Variants in DES observed in about 807,000 individuals in gnomAD.
The protein encoded by DES is cardiomyopathy, dilated 1F (autosomal dominant).
A neutral mutation model predicts 55.1 loss-of-function variants in DES; 34 were observed. That is an observed-to-expected ratio of 0.62 (90% CI 0.47 to 0.82). DES has a LOEUF of 0.82. Among genes scored for constraint, DES ranks in the 40% least tolerant of loss-of-function variants. The probability of loss-of-function intolerance (pLI) is 0.00; values close to 1 mark genes in which losing one functional copy is unlikely to be tolerated. For missense variants in DES, 596 were observed against 645.9 expected (o/e 0.92, Z 0.84); for synonymous variants, 259 against 270.8 (o/e 0.96, Z 0.43).
chr2:219,421,334 C>G lies in DES; in HGVS notation c.1024-6C>G, dbSNP rs1217194365. ...TTCCTTGACCTGGGTTCCCCCTCTC[C>G]TGCAGAACGATTCCCTGATGAGGCA... On this transcript the variant is annotated splice_polypyrimidine_tract_variant and splice_region_variant and intron_variant, in intron 5 of 8. Transcript: ENST00000373960. 2 of 1,613,934 alleles carry G rather than the reference C, an allele frequency of 1.2e-6. No individual in the cohort carries two copies. The highest frequency in any genetic ancestry group is 1.7e-5 in the Admixed American group (1 of 60,004).
At chr2:219,422,292 T>C (rs560392575) in intron 6 of DES, among the ~76,000 whole-genome samples, 21 of 151,632 alleles carry the variant, frequency 1.4e-4, no homozygotes, top group Non-Finnish European at 2.5e-4. Flanking sequence ...AAGAGATGCA[T>C]ACAGAAGGCA....
chr2:219,421,103 T>A (rs1318301041), intron 5 of DES, 150 bp downstream of exon 5: 3 of 1,271,492 alleles, frequency 2.4e-6, no homozygotes, highest in Non-Finnish European at 3.3e-6. Flanking sequence ...TGGATTCCAG[T>A]TGGATGCTAA....
rs71040455 is a variant in DES at position 219,422,463 on chromosome 2, C to CTTTTTTTTTTTTTTTTTTTTT, written c.1244+922_1244+923insTTTTTTTTTTTTTTTTTTTTT. Among the ~76,000 whole-genome samples, 3 of 103,498 alleles carry CTTTTTTTTTTTTTTTTTTTTT rather than the reference C, an allele frequency of 2.9e-5. 1 individual carries two copies. Among genetic ancestry groups the CTTTTTTTTTTTTTTTTTTTTT allele is most frequent in the African/African-American group, 8.0e-5 (2 of 25,052 alleles). The allele number at this position is 103,498 out of a possible 152,430, so 67.9% of individuals were successfully genotyped here. A position where few individuals can be genotyped will look rare whatever the true frequency, so the allele number is the denominator to read the frequency against. On this transcript the variant is annotated intron_variant, in intron 6 of 8. Coordinates refer to ENST00000373960, the MANE Select transcript of DES (RefSeq NM_001927.4). ...GTGGGATAACAGAAATGTTCTATAT[C>CTTTTTTTTTTTTTTTTTTTTT]TTTTTTTTTTTTTTTTTTTGAGACA...
rs1559352363 is a variant in DES at position 219,418,834 on chromosome 2, GA to G, written c.374del (p.Lys125ArgfsTer16). ...LNDRFANYIE[K>X]VRFLEQQNAA... ...ATGACCGCTTCGCCAACTACATCGA[GA>G]AGGTGCGCTTCCTGGAGCAGCAGAA... On this transcript the variant is annotated frameshift_variant, in exon 1 of 9. Coordinates refer to ENST00000373960, the MANE Select transcript of DES (RefSeq NM_001927.4). LOFTEE classifies it high-confidence loss of function. 1 of 1,583,172 alleles carries G rather than the reference GA, an allele frequency of 6.3e-7. No homozygotes were observed. Among genetic ancestry groups the G allele is most frequent in the South Asian group, 1.2e-5 (1 of 86,852 alleles).
chr2:219,420,643 G>A lies in DES; in HGVS notation c.884G>A (p.Trp295Ter). The A allele has an allele frequency of 6.2e-7, 1 of 1,614,038 alleles. No homozygotes were observed. The highest frequency in any genetic ancestry group is 8.5e-7 in the Non-Finnish European group (1 of 1,180,012). ...AAKNISEAEE[W>*]YKSKVSDLTQ... The stretch of plus-strand genomic sequence containing the variant: ...AAGAACATTTCTGAAGCTGAGGAGT[G>A]GTACAAGTCGAAGGTGGGTGGCCTC... Residue 295 changes from tryptophan to a stop codon, truncating the protein, a stop_gained, in exon 4 of 9, where the codon TGG becomes TAG. Coordinates refer to ENST00000373960, the MANE Select transcript of DES (RefSeq NM_001927.4). LOFTEE classifies it high-confidence loss of function. This position sits in a 1 kb window ranked among gnomAD's most constrained non-coding sequence, Gnocchi z 6.0.
In DES at chr2:219,418,497, C is replaced by T. The variant is rs267607495; in HGVS notation, c.35C>T (p.Ser12Phe). Residue 12 changes from serine to phenylalanine, a missense_variant, in exon 1 of 9, where the codon TCC (serine) becomes TTC (phenylalanine). Ser to Phe is a radical substitution (Grantham distance 155, BLOSUM62 -2). Coordinates refer to ENST00000373960, the MANE Select transcript of DES (RefSeq NM_001927.4). The stretch of plus-strand genomic sequence containing the variant: ...GCCTACTCGTCCAGCCAGCGCGTGT[C>T]CTCCTACCGCCGCACCTTCGGCGGG... ...SQAYSSSQRV[S>F]SYRRTFGGAP... 2 of 1,602,208 alleles carry T rather than the reference C, an allele frequency of 1.2e-6. No homozygotes were observed.
rs1190164456 is a variant in DES, at chr2:219,420,381, C to T, written c.735+35C>T. On this transcript the variant is annotated intron_variant, in intron 3 of 8. Transcript: ENST00000373960. This position sits in a 1 kb window ranked among gnomAD's most constrained non-coding sequence, Gnocchi z 6.0. ...GGCCCCTCTTCCTGGGGTCACTGGG[C>T]CATGGGGAAAGCAGCCGGAAAGTGG... 6.2e-7 allele frequency: 1 copy of T among 1,612,432 alleles called. No homozygotes were observed. The highest frequency in any genetic ancestry group is 2.2e-5 in the East Asian group (1 of 44,862).
At chr2:219,422,621 C>T (rs1954467240) in intron 6 of DES, among the ~76,000 whole-genome samples, 1 of 152,050 alleles carries the variant, frequency 6.6e-6, no homozygotes, top group African/African-American at 2.4e-5. Flanking sequence ...TGTGCCAACA[C>T]ACTCAGCTGA....
In DES at chr2:219,421,480, C is replaced by T; in HGVS notation, c.1164C>T (p.Tyr388=). ...KDEMARHLRE[Y]QDLLNVKMAL... ...AGATGGCCCGCCATCTGCGCGAGTACCAGGACCTGCTCAACGTGAAGATGG... is the reference window on the plus strand; with the variant it reads ...AGATGGCCCGCCATCTGCGCGAGTATCAGGACCTGCTCAACGTGAAGATGG... Residue 388 remains tyrosine (Y), a synonymous_variant, in exon 6 of 9, where the codon TAC becomes TAT. Transcript: ENST00000373960. 2 of 1,614,118 alleles carry T rather than the reference C, an allele frequency of 1.2e-6. No homozygotes were observed. The highest frequency in any genetic ancestry group is 1.7e-6 in the Non-Finnish European group (2 of 1,180,020).
Position 219,418,904 on chromosome 2 carries a change from C to T in DES, c.442C>T (p.Pro148Ser). 1.3e-6 allele frequency: 2 copies of T among 1,563,846 alleles called. No homozygotes were observed. Among genetic ancestry groups the T allele is most frequent in the South Asian group, 1.2e-5 (1 of 85,172 alleles). The change falls in exon 1 of 9, where the codon CCG (proline) becomes TCG (serine). Residue 148 changes from proline (P) to serine (S), a missense_variant. Transcript: ENST00000373960. ...AEVNRLKGRE[P>S]TRVAELYEEE... Reference sequence around the variant, plus strand: ...AGTGAACCGGCTCAAGGGCCGCGAGCCGACGCGAGTGGCCGAGCTCTACGA... The same window carrying T: ...AGTGAACCGGCTCAAGGGCCGCGAGTCGACGCGAGTGGCCGAGCTCTACGA...
Position 219,420,570 on chromosome 2 carries a change from A to G in DES, c.811A>G (p.Thr271Ala). The G allele has an allele frequency of 6.2e-7, 1 of 1,613,994 alleles. No individual in the cohort carries two copies. The highest frequency in any genetic ancestry group is 1.1e-5 in the South Asian group (1 of 91,076). Residue 271 changes from threonine (T) to alanine (A), a missense_variant, in exon 4 of 9, where the codon ACT becomes GCT. Thr to Ala is a moderately conservative substitution (Grantham distance 58, BLOSUM62 0). Coordinates refer to ENST00000373960, the MANE Select transcript of DES (RefSeq NM_001927.4). The surrounding 1 kb of genome is among the most constrained non-coding windows in gnomAD (Gnocchi z 6.0). Reference protein sequence around the residue: ...VEMDMSKPDLTAALRDIRAQY... With the variant: ...VEMDMSKPDLAAALRDIRAQY... ...GATGGACATGTCTAAGCCAGACCTCACTGCCGCCCTCAGGGACATCCGGGC... is the reference window on the plus strand; with the variant it reads ...GATGGACATGTCTAAGCCAGACCTCGCTGCCGCCCTCAGGGACATCCGGGC...
chr2:219,421,303 C>T (rs1048490296), intron 5 of DES, 37 bp from the exon 6 acceptor site: 3 of 1,611,478 alleles, frequency 1.9e-6, no homozygotes, highest in South Asian at 1.1e-5. Context: ...CTAGTGTCCT[C>T]TTCCCTTCCT....
rs1954487738 is a variant in DES, at chr2:219,423,798, C to A, written c.1266C>A (p.Thr422=). ...EESRINLPIQ[T]YSALNFRETS... is the part of the protein sequence containing the mutation. ...TTAGGATCAATCTCCCCATCCAGACCTACTCTGCCCTCAACTTCCGAGGTG... is the reference window on the plus strand; with the variant it reads ...TTAGGATCAATCTCCCCATCCAGACATACTCTGCCCTCAACTTCCGAGGTG... The change falls in exon 7 of 9, where the codon ACC becomes ACA. Residue 422 remains threonine (T), a synonymous_variant. Transcript: ENST00000373960. The A allele has an allele frequency of 6.2e-7, 1 of 1,613,942 alleles. No individual in the cohort carries two copies. Among genetic ancestry groups the A allele is most frequent in the African/African-American group, 1.3e-5 (1 of 75,028 alleles).
At chr2:219,425,875 G>C in intron 8 of DES, 74 bp from the exon 9 acceptor site, 1 of 1,604,416 alleles carries the variant, frequency 6.2e-7, no homozygotes, top group Non-Finnish European at 8.5e-7. Context: ...CGGCCCTGGG[G>C]TGGGGATGGC....
intron 5 of DES, 111 bp from the exon 6 acceptor site, chr2:219,421,229 T>G: frequency 8.3e-7 from 1 of 1,211,760 alleles, no homozygotes; most frequent in South Asian, 1.2e-5. Flanking sequence ...GAGTTCAGGG[T>G]TCAACATGGC....
Position 219,418,747 on chromosome 2 carries a change from C to A in DES, c.285C>A (p.Asp95Glu). 6.4e-7 allele frequency: 1 copy of A among 1,561,496 alleles called. No homozygotes were observed. The highest frequency in any genetic ancestry group is 8.7e-7 in the Non-Finnish European group (1 of 1,152,284). Residue 95 changes from aspartate (D) to glutamate (E), a missense_variant, in exon 1 of 9, where the codon GAC (aspartate) becomes GAA (glutamate). Physicochemically the swap from Asp to Glu is conservative, Grantham distance 45 (BLOSUM62 2). Coordinates refer to ENST00000373960, the MANE Select transcript of DES (RefSeq NM_001927.4). The stretch of plus-strand genomic sequence containing the variant: ...AGCTGCTGGACTTCTCACTGGCCGA[C>A]GCGGTGAACCAGGAGTTTCTGACCA... ...AGELLDFSLA[D>E]AVNQEFLTTR...
Position 219,421,463 on chromosome 2 carries a change from C to T in DES, c.1147C>T (p.Arg383Cys), listed in dbSNP as rs748945548. The change falls in exon 6 of 9, where the codon CGC (arginine) becomes TGC (cysteine). Residue 383 changes from arginine (R) to cysteine (C), a missense_variant. Arg to Cys is a radical substitution (Grantham distance 180). Transcript: ENST00000373960. ...CCGGCACCTCAAGGATGAGATGGCC[C>T]GCCATCTGCGCGAGTACCAGGACCT... ...EIRHLKDEMA[R>C]HLREYQDLLN... 1.1e-5 allele frequency: 18 copies of T among 1,613,964 alleles called. No homozygotes were observed. The highest frequency in any genetic ancestry group is 1.3e-5 in the African/African-American group (1 of 74,898).
chr2:219,425,331 G>A (rs1954516192), intron 7 of DES: 1 of 370,740 alleles, frequency 2.7e-6, no homozygotes, highest in African/African-American at 2.1e-5. Context: ...GCCTGGGGGT[G>A]GAGAGGAACT....
In DES at chr2:219,426,067, C is replaced by T. The variant is rs1954530784; in HGVS notation, c.*77C>T. ...TCCCTGAAGCCAGCCTTCTTCCATCCCAGGACACCACACCCAGCCTCAGTC... is the reference window on the plus strand; with the variant it reads ...TCCCTGAAGCCAGCCTTCTTCCATCTCAGGACACCACACCCAGCCTCAGTC... On this transcript the variant is annotated 3_prime_UTR_variant, in exon 9 of 9. Transcript: ENST00000373960. The surrounding 1 kb of genome is among the most constrained non-coding windows in gnomAD (Gnocchi z 4.5). 2.6e-6 allele frequency: 4 copies of T among 1,526,062 alleles called. No homozygotes were observed. In the East Asian group the frequency reaches 9.1e-5, roughly 35 times the overall value. 94.5% of individuals were successfully genotyped at this position (1,526,062 alleles called of 1,614,324 possible).
Sources: gnomAD v4.1 joint callset for allele counts (sites outside exome capture counted in the v4.1 genomes callset) on GRCh38, gnomAD v4.1.1 for gene constraint, Gnocchi (gnomAD v3.1) non-coding constraint, MANE v1.5 for transcripts, NCBI Gene and HGNC (gene_info 2026-07-23, HGNC 2026-07-21) for gene names.